Variants in CDK5RAP2 observed in about 807,000 individuals in gnomAD.
CDK5RAP2 encodes the protein CDK5 regulatory subunit associated protein 2.
A neutral mutation model predicts 232.9 loss-of-function variants in CDK5RAP2; 147 were observed. The observed-to-expected ratio is 0.63, with a 90% CI of 0.55 to 0.72. The LOEUF is 0.72. Among genes scored for constraint, CDK5RAP2 ranks in the 30% least tolerant of loss-of-function variants. CDK5RAP2 has a pLI of 0.00. For synonymous variants in CDK5RAP2, 833 were observed against 833.7 expected, an observed-to-expected ratio of 1.00 and a Z score of 0.01; for missense variants, 2,195 against 2,231.5, an observed-to-expected ratio of 0.98 and a Z score of 0.33.
chr9:120,554,652 G>C (rs1177007632), intron 3 of CDK5RAP2, among the ~76,000 whole-genome samples: 1 of 151,860 alleles, frequency 6.6e-6, no homozygotes, highest in African/African-American at 2.4e-5. Context: ...TGTTGTTGTT[G>C]AGACAGAGTC....
intron 12 of CDK5RAP2, among the ~76,000 whole-genome samples, chr9:120,499,634 C>T (rs573232600): frequency 6.6e-6 from 1 of 152,072 alleles, no homozygotes; most frequent in Admixed American, 6.5e-5. Context: ...AGACCAAGAA[C>T]CTATCATGAA....
At chr9:120,497,447 A>AAAAAAAAAAAAAAC in intron 12 of CDK5RAP2, among the ~76,000 whole-genome samples, 1 of 89,202 alleles carries the variant, frequency 1.1e-5, no homozygotes, top group Non-Finnish European at 2.0e-5. Flanking sequence ...AAAAAAAAAA[A>AAAAAAAAAAAAAAC]AAAAAAAGAA....
At chr9:120,565,261 G>A (rs572701795) in intron 3 of CDK5RAP2, among the ~76,000 whole-genome samples, 2 of 152,240 alleles carry the variant, frequency 1.3e-5, no homozygotes, top group African/African-American at 4.8e-5. Flanking sequence ...CTCCAGCTCT[G>A]AAATTAACTC....
intron 27 of CDK5RAP2, among the ~76,000 whole-genome samples, chr9:120,417,600 G>A (rs761519595): frequency 2.0e-5 from 3 of 152,194 alleles, no homozygotes; most frequent in Admixed American, 6.5e-5. Flanking sequence ...GCCAGGAGGC[G>A]GAATCATCAC....
intron 25 of CDK5RAP2, among the ~76,000 whole-genome samples, chr9:120,425,448 T>C (rs2034833629): frequency 6.6e-6 from 1 of 152,148 alleles, no homozygotes; most frequent in Admixed American, 6.5e-5. Context: ...CTCAGGCAAA[T>C]CTTGTTGCTA....
intron 3 of CDK5RAP2, among the ~76,000 whole-genome samples, chr9:120,565,699 C>G (rs529180483): frequency 5.9e-5 from 9 of 152,278 alleles, no homozygotes; most frequent in Admixed American, 3.9e-4. Context: ...GGGATGCTCC[C>G]TAGCTCTCCC....
intron 7 of CDK5RAP2, among the ~76,000 whole-genome samples, chr9:120,532,194 C>A (rs573898672): frequency 1.3e-5 from 2 of 152,184 alleles, no homozygotes; most frequent in Admixed American, 1.3e-4. Flanking sequence ...GGTGGAAATC[C>A]AGACTTCTGC....
intron 20 of CDK5RAP2, 54 bp from the exon 21 acceptor site, chr9:120,453,927 GT>G: frequency 6.4e-7 from 1 of 1,559,460 alleles, no homozygotes; most frequent in Non-Finnish European, 8.8e-7. Context: ...GCTAGGCCTT[GT>G]CCCCTAGCCA....
At chr9:120,405,486 C>A (rs2033369311) in intron 32 of CDK5RAP2, among the ~76,000 whole-genome samples, 1 of 152,186 alleles carries the variant, frequency 6.6e-6, no homozygotes, top group African/African-American at 2.4e-5. Context: ...GAACTGTTCT[C>A]CCTGCTTCAA....
intron 3 of CDK5RAP2, among the ~76,000 whole-genome samples, chr9:120,562,691 C>CA (rs1259720277): frequency 1.3e-5 from 2 of 151,992 alleles, no homozygotes; most frequent in East Asian, 1.9e-4. Flanking sequence ...CGCATGCCCC[C>CA]ATCCTCATTA....
At chr9:120,435,432 G>C (rs1393702599) in intron 25 of CDK5RAP2, among the ~76,000 whole-genome samples, 1 of 151,728 alleles carries the variant, frequency 6.6e-6, no homozygotes. Flanking sequence ...AGGCACCATT[G>C]TGAAGTAATG....
At chr9:120,401,610 CAAA>C (rs142588120) in intron 34 of CDK5RAP2, among the ~76,000 whole-genome samples, 1,162 of 61,564 alleles carry the variant, frequency 0.019, 17 homozygotes, top group African/African-American at 0.065. Flanking sequence ...GACCCTGTCT[CAAA>C]AAAAAAAAAA....
chr9:120,466,557 T>A (rs1438677520), intron 18 of CDK5RAP2, among the ~76,000 whole-genome samples: 1 of 152,146 alleles, frequency 6.6e-6, no homozygotes, highest in Non-Finnish European at 1.5e-5. Flanking sequence ...ATTTTTTTTT[T>A]AAAGGGCAAA....
intron 27 of CDK5RAP2, among the ~76,000 whole-genome samples, chr9:120,417,205 G>A (rs576388093): frequency 5.6e-4 from 71 of 127,422 alleles, no homozygotes; most frequent in Admixed American, 1.4e-3. Context: ...CTGCACCTCC[G>A]TGCTCCTTAA....
chr9:120,468,632 AAG>A (rs1229611964), intron 17 of CDK5RAP2, among the ~76,000 whole-genome samples: 2 of 152,386 alleles, frequency 1.3e-5, no homozygotes, highest in African/African-American at 4.8e-5. Flanking sequence ...ATGAAATACA[AAG>A]AAATTTAACT....
intron 2 of CDK5RAP2, among the ~76,000 whole-genome samples, chr9:120,570,474 C>T (rs773578562): frequency 1.1e-4 from 17 of 152,268 alleles, no homozygotes; most frequent in Admixed American, 5.9e-4. Context: ...TAACAGTAAC[C>T]ACATTTGAGG....
intron 17 of CDK5RAP2, among the ~76,000 whole-genome samples, chr9:120,468,425 T>G (rs1207359145): frequency 6.6e-6 from 1 of 152,244 alleles, no homozygotes; most frequent in East Asian, 1.9e-4. Context: ...TCTGAAACTG[T>G]ATCAGAGTCT....
Position 120,447,962 on chromosome 9 carries a change from G to A in CDK5RAP2, c.2958C>T (p.His986=), listed in dbSNP as rs1369351475. 3.1e-6 allele frequency: 5 copies of A among 1,614,152 alleles called. No individual in the cohort carries two copies. The highest frequency in any genetic ancestry group is 3.4e-6 in the Non-Finnish European group (4 of 1,180,028). The change falls in exon 22 of 38, where the codon CAC becomes CAT. Residue 986 remains histidine, a synonymous_variant. Transcript: ENST00000349780. The stretch of plus-strand genomic sequence containing the variant: ...CTGCTTCAGCCAGAATTAACTTTTG[G>A]TGAAGTTGCTTATTACAAGTTTTAA... ...KEFKTCNKQL[H]QKLILAEAVM...
intron 20 of CDK5RAP2, among the ~76,000 whole-genome samples, chr9:120,458,103 T>C (rs986404425): frequency 6.6e-6 from 1 of 152,164 alleles, no homozygotes; most frequent in African/African-American, 2.4e-5. Flanking sequence ...ACAACTACAA[T>C]GGTATTTTTT....
Sources: gnomAD v4.1 joint callset for allele counts (sites outside exome capture counted in the v4.1 genomes callset) on GRCh38, gnomAD v4.1.1 for gene constraint, MANE v1.5 for transcripts, NCBI Gene and HGNC (gene_info 2026-07-23, HGNC 2026-07-21) for gene names.